Variants in DNASE2 observed in about 807,000 individuals in gnomAD.
DNASE2 encodes the protein deoxyribonuclease-2-alpha.
In DNASE2, 26 loss-of-function variants were observed where a neutral mutation model predicts 29.8. The ratio of observed to expected loss-of-function variants is 0.87; its 90% confidence interval spans 0.64 to 1.21. The LOEUF (loss-of-function observed/expected upper bound fraction) is 1.21, where lower values mean the gene tolerates loss of function less well. Ranked by LOEUF, DNASE2 falls within the 50% of genes most tolerant of loss-of-function variation. DNASE2 has a pLI of 0.00. For synonymous variants in DNASE2, 186 were observed against 193.5 expected (o/e 0.96, Z 0.32); for missense variants, 415 against 455.6 (o/e 0.91, Z 0.81).
At chr19:12,880,736 C>T in intron 3 of DNASE2, 66 bp downstream of exon 3, 2 of 1,598,534 alleles carry the variant, frequency 1.3e-6, no homozygotes, top group Non-Finnish European at 1.7e-6. Context: ...CCACCCCATG[C>T]ACGTCAGGGG....
chr19:12,880,621 A>C (rs998219111), intron 3 of DNASE2, among the ~76,000 whole-genome samples, 181 bp downstream of exon 3: 2 of 151,810 alleles, frequency 1.3e-5, no homozygotes, highest in African/African-American at 4.8e-5. Flanking sequence ...GTGCCACTGC[A>C]CTCCAGCTTG....
Position 12,876,005 on chromosome 19 carries a change from T to C in DNASE2, c.1068A>G (p.Arg356=). 1 of 1,613,492 alleles carries C rather than the reference T, an allele frequency of 6.2e-7. No individual in the cohort carries two copies. Among genetic ancestry groups the C allele is most frequent in the South Asian group, 1.1e-5 (1 of 91,054 alleles). The change falls in exon 6 of 6, where the codon AGA becomes AGG. Residue 356 remains arginine (R), a synonymous_variant. Transcript: ENST00000222219. ...PCNGMARKPS[R]AYKI ...GCCATAAGGGTTAGATCTTATAAGC[T>C]CTGCTGGGCTTCCTGGCCATGCCAT...
intron 3 of DNASE2, 40 bp downstream of exon 3, chr19:12,880,762 G>A (rs1970370574): frequency 6.2e-7 from 1 of 1,613,288 alleles, no homozygotes; most frequent in African/African-American, 1.3e-5. Flanking sequence ...TTGGAAAAAT[G>A]GGACCCGAGT....
In DNASE2 at chr19:12,878,663, G is replaced by C. The variant is rs371265511; in HGVS notation, c.511+7C>G. ...AGGACTCATCCTGTGTCCCTGACTC[G>C]ACTTACCCATCTTCGAGAACTGAGC... is the stretch of plus-strand genomic sequence containing the variant. On this transcript the variant is annotated splice_region_variant and intron_variant, in intron 4 of 5. Transcript: ENST00000222219. 1 of 1,613,964 alleles carries C rather than the reference G, an allele frequency of 6.2e-7. No homozygotes were observed.
Position 12,875,319 on chromosome 19 carries a change from G to T in DNASE2, c.*671C>A. ...CAGAGCGGTTAAGGCACACAATCAA[G>T]GTCATACAGCTAGGAAGGGGATGAA... On this transcript the variant is annotated 3_prime_UTR_variant, in exon 6 of 6. Coordinates refer to ENST00000222219, the MANE Select transcript of DNASE2 (RefSeq NM_001375.3). 1 of 182,162 alleles carries T rather than the reference G, an allele frequency of 5.5e-6. No homozygotes were observed. The highest frequency in any genetic ancestry group is 1.2e-5 in the Non-Finnish European group (1 of 85,850). The allele number at this position is 182,162 out of a possible 1,614,324, so 11.3% of individuals were successfully genotyped here.
At position 12,878,738 on chromosome 19, in the gene DNASE2, T is replaced by G. The variant is rs1341528409; in HGVS notation, c.443A>C (p.His148Pro). 2 of 1,613,972 alleles carry G rather than the reference T, an allele frequency of 1.2e-6. No individual in the cohort carries two copies. The highest frequency in any genetic ancestry group is 4.5e-5 in the East Asian group (2 of 44,890). The change falls in exon 4 of 6, where the codon CAT becomes CCT. Residue 148 changes from histidine to proline, a missense_variant. Physicochemically the swap from His to Pro is moderately conservative, Grantham distance 77 (BLOSUM62 -2). Transcript: ENST00000222219. ...PASSAAYSWP[H>P]SACTYGQTLL... is the part of the protein sequence containing the mutation. ...GGTCTGCCCGTAGGTACAGGCGCTA[T>G]GAGGCCAGCTGTATGCAGCAGAGGA...
Position 12,881,348 on chromosome 19 carries a change from G to A in DNASE2, c.28C>T (p.Leu10=), listed in dbSNP as rs1475191611. ...GTCAGGGCCCCGGCGGGGACGCACA[G>A]CAGCGCTGCCAGCAGCAGCGGGATC... is the stretch of plus-strand genomic sequence containing the variant. MIPLLLAAL[L]CVPAGALTCY... is the part of the protein sequence containing the mutation. The change falls in exon 1 of 6, where the codon CTG becomes TTG. Residue 10 remains leucine (L), a synonymous_variant. Transcript: ENST00000222219. 1 of 1,565,658 alleles carries A rather than the reference G, an allele frequency of 6.4e-7. No homozygotes were observed.
rs748478088 is a variant in DNASE2 at position 12,878,338 on chromosome 19, G to C, written c.709+44C>G. ...CAGCCATGGCCACACCAGTCACCCT[G>C]TCTGCAGAGAAGGAGCTCTCCAACC... On this transcript the variant is annotated intron_variant, in intron 5 of 5. Transcript: ENST00000222219. The C allele has an allele frequency of 5.6e-6, 9 of 1,610,002 alleles. No individual in the cohort carries two copies. In the African/African-American group the frequency reaches 1.1e-4, roughly 19 times the overall value.
At chr19:12,881,243 C>T in intron 1 of DNASE2, 47 bp downstream of exon 1, 2 of 1,601,064 alleles carry the variant, frequency 1.2e-6, no homozygotes, top group Non-Finnish European at 1.7e-6. Flanking sequence ...GTTGAGTGAC[C>T]GCAGCCGGAC....
chr19:12,877,125 A>G (rs1049381109), intron 5 of DNASE2, among the ~76,000 whole-genome samples: 2 of 152,122 alleles, frequency 1.3e-5, no homozygotes, highest in South Asian at 4.1e-4. Flanking sequence ...GAGTTTCACC[A>G]TGTTGGCCAG....
intron 3 of DNASE2, 28 bp downstream of exon 3, chr19:12,880,774 T>C: frequency 6.2e-7 from 1 of 1,613,960 alleles, no homozygotes; most frequent in Non-Finnish European, 8.5e-7. Flanking sequence ...GACCCGAGTC[T>C]CTCCCCAGCC....
intron 3 of DNASE2, among the ~76,000 whole-genome samples, chr19:12,880,198 G>A (rs1568418979): frequency 1.3e-5 from 2 of 151,894 alleles, no homozygotes. Context: ...CTGAGCCCTG[G>A]GAGGTCAAGG....
Position 12,875,923 on chromosome 19 carries a change from TCCTC to T in DNASE2, c.*63_*66del. On this transcript the variant is annotated 3_prime_UTR_variant, in exon 6 of 6. Coordinates refer to ENST00000222219, the MANE Select transcript of DNASE2 (RefSeq NM_001375.3). ...GTCTCGAATTCCTGAGTTCAAGTGA[TCCTC>T]CCTCCTTGGCTTCCCAAAGTGCTGG... The T allele has an allele frequency of 6.3e-7, 1 of 1,593,504 alleles. No homozygotes were observed. The highest frequency in any genetic ancestry group is 8.5e-7 in the Non-Finnish European group (1 of 1,172,278).
At chr19:12,878,293 C>A in intron 5 of DNASE2, 89 bp downstream of exon 5, 1 of 1,525,780 alleles carries the variant, frequency 6.6e-7, no homozygotes. Flanking sequence ...CAGACCTGGT[C>A]TCTACCGCTG....
At chr19:12,876,554 G>T (rs1336151386) in intron 5 of DNASE2, among the ~76,000 whole-genome samples, 191 bp from the exon 6 acceptor site, 2 of 150,286 alleles carry the variant, frequency 1.3e-5, no homozygotes, top group African/African-American at 2.5e-5. Flanking sequence ...CTGCCTCCGA[G>T]GTTCAAGTGA....
intron 5 of DNASE2, 92 bp from the exon 6 acceptor site, chr19:12,876,455 T>G: frequency 6.9e-7 from 1 of 1,454,616 alleles, no homozygotes; most frequent in East Asian, 2.5e-5. Flanking sequence ...AGTTTCCATA[T>G]TTCCTTTTTT....
chr19:12,878,490 C>A lies in DNASE2; in HGVS notation c.601G>T (p.Val201Phe), dbSNP rs778890192. The A allele has an allele frequency of 6.2e-7, 1 of 1,613,982 alleles. No homozygotes were observed. The highest frequency in any genetic ancestry group is 8.5e-7 in the Non-Finnish European group (1 of 1,180,054). ...AQEFPDLENVVKGHHVSQEPW... is the reference protein window; with the variant it reads ...AQEFPDLENVFKGHHVSQEPW... ...TCTTGGCTAACGTGGTGGCCCTTGA[C>A]CACATTCTCCAAGTCGGGGAATTCC... The change falls in exon 5 of 6, where the codon GTC becomes TTC. Residue 201 changes from valine (V) to phenylalanine (F), a missense_variant. By Grantham distance (50) the Val-to-Phe change is conservative. Coordinates refer to ENST00000222219, the MANE Select transcript of DNASE2 (RefSeq NM_001375.3).
chr19:12,877,600 C>T (rs1297093931), intron 5 of DNASE2, among the ~76,000 whole-genome samples: 1 of 151,900 alleles, frequency 6.6e-6, no homozygotes, highest in African/African-American at 2.4e-5. Context: ...GGCTGGAGTG[C>T]AGTGGCACTA....
chr19:12,878,938 T>G (rs1283075959), intron 3 of DNASE2, 104 bp from the exon 4 acceptor site: 17 of 1,412,204 alleles, frequency 1.2e-5, no homozygotes, highest in Non-Finnish European at 1.6e-5. Context: ...AGGTCAGGAG[T>G]TAGAAATCAG....
Sources: gnomAD v4.1 joint callset for allele counts (sites outside exome capture counted in the v4.1 genomes callset) on GRCh38, gnomAD v4.1.1 for gene constraint, MANE v1.5 for transcripts, NCBI Gene and HGNC (gene_info 2026-07-23, HGNC 2026-07-21) for gene names.